The following FUCA1 variants were observed in gnomAD, a reference collection of about 807,000 sequenced individuals.
FUCA1 encodes the protein tissue alpha-L-fucosidase.
A neutral mutation model predicts 56.8 loss-of-function variants in FUCA1; 52 were observed. The observed-to-expected ratio is 0.92, with a 90% CI of 0.73 to 1.15. FUCA1 has a LOEUF of 1.15. FUCA1 is among the 50% of genes most tolerant of loss of function. The pLI is 0.00. For synonymous variants in FUCA1, 230 were observed against 226.6 expected (o/e 1.02, Z -0.14); for missense variants, 568 against 592.6 (o/e 0.96, Z 0.43).
intron 1 of FUCA1, 69 bp from the exon 2 acceptor site, chr1:23,865,694 C>T (rs1200482308): frequency 1.8e-5 from 29 of 1,573,780 alleles, no homozygotes. Context: ...CCCAGCATGC[C>T]TGAGGCTTTT....
chr1:23,859,729 C>T (rs1639467572), intron 4 of FUCA1, 69 bp downstream of exon 4: 3 of 936,290 alleles, frequency 3.2e-6, no homozygotes, highest in Admixed American at 1.8e-5. Context: ...TGGTTGTCTA[C>T]TCCAGAGTTT....
chr1:23,853,477 C>T lies in FUCA1; in HGVS notation c.969+883G>A, dbSNP rs1361517323. Among the ~76,000 whole-genome samples, 901 of 146,910 alleles carry T rather than the reference C, an allele frequency of 6.1e-3. 7 individuals carry two copies. Among genetic ancestry groups the T allele is most frequent in the African/African-American group, 0.015 (612 of 39,506 alleles). On this transcript the variant is annotated intron_variant, in intron 5 of 7. Transcript: ENST00000374479. ...CCCCCGCCCAGCCAGCCGCCCGGTC[C>T]GGGAGGTGAGGGGCGCCTCTGCCCG...
intron 5 of FUCA1, among the ~76,000 whole-genome samples, chr1:23,852,709 T>A (rs373947099): frequency 1.9e-4 from 29 of 151,828 alleles, no homozygotes; most frequent in Non-Finnish European, 4.0e-4. Flanking sequence ...AGCTCCTAAC[T>A]GCGAGTGATC....
chr1:23,857,237 TG>T, intron 4 of FUCA1, among the ~76,000 whole-genome samples: 1 of 152,192 alleles, frequency 6.6e-6, no homozygotes, highest in South Asian at 2.1e-4. Flanking sequence ...CAGAGACAAA[TG>T]GGGTATTAAC....
chr1:23,864,076 C>A (rs1639568149), intron 2 of FUCA1, among the ~76,000 whole-genome samples: 1 of 148,846 alleles, frequency 6.7e-6, no homozygotes, highest in African/African-American at 2.5e-5. Flanking sequence ...ATAGTTCTTT[C>A]TCTTTTTTTC....
chr1:23,851,633 G>A (rs1050049507), intron 5 of FUCA1, among the ~76,000 whole-genome samples: 6 of 152,142 alleles, frequency 3.9e-5, no homozygotes, highest in Non-Finnish European at 7.3e-5. Context: ...GGACATGGAT[G>A]AAGCTGGACA....
At position 23,867,636 on chromosome 1, in the gene FUCA1, C is replaced by A. The variant is rs1160846694; in HGVS notation, c.389+262G>T. ...GGACATCAGGTATGGCCTAACTCAG[C>A]CCTCTCGGTGCACAGGTGCAGATAC... On this transcript the variant is annotated intron_variant, in intron 1 of 7. Transcript: ENST00000374479. This position sits in a 1 kb window ranked among gnomAD's most constrained non-coding sequence, Gnocchi z 4.9. 14 of 806,394 alleles carry A rather than the reference C, an allele frequency of 1.7e-5. No individual in the cohort carries two copies. The highest frequency in any genetic ancestry group is 2.0e-5 in the Non-Finnish European group (13 of 666,582). 50.0% of individuals were successfully genotyped at this position (806,394 alleles called of 1,614,324 possible).
intron 5 of FUCA1, among the ~76,000 whole-genome samples, chr1:23,849,755 G>A (rs1639219412): frequency 6.6e-6 from 1 of 151,172 alleles, no homozygotes; most frequent in African/African-American, 2.4e-5. Context: ...GTTAATTTTT[G>A]TATTTTTAGT....
chr1:23,848,955 T>G, intron 5 of FUCA1, 116 bp from the exon 6 acceptor site: 1 of 882,560 alleles, frequency 1.1e-6, no homozygotes, highest in Non-Finnish European at 1.8e-6. Context: ...AAATATCCTC[T>G]GCTGTTTTAA....
At chr1:23,858,870 C>A (rs775244586) in intron 4 of FUCA1, among the ~76,000 whole-genome samples, 2 of 152,100 alleles carry the variant, frequency 1.3e-5, no homozygotes, top group African/African-American at 4.8e-5. Flanking sequence ...ACGTCAGCCT[C>A]CCCCCACATC....
At chr1:23,866,879 C>T (rs901987016) in intron 1 of FUCA1, among the ~76,000 whole-genome samples, 1 of 152,162 alleles carries the variant, frequency 6.6e-6, no homozygotes, top group African/African-American at 2.4e-5. Context: ...CCCTAAGGCC[C>T]CTAGGAGACA....
In FUCA1 at chr1:23,863,768, C is replaced by T. The variant is rs1407513936; in HGVS notation, c.525-497G>A. The stretch of plus-strand genomic sequence containing the variant: ...TTGGGAGGCTAAAGTGGGAGGATGG[C>T]TTGAGCCCAGGAGGTAGAGATTGCA... On this transcript the variant is annotated intron_variant, in intron 2 of 7. Coordinates refer to ENST00000374479, the MANE Select transcript of FUCA1 (RefSeq NM_000147.5). Among the ~76,000 whole-genome samples, 4 of 152,138 alleles carry T rather than the reference C, an allele frequency of 2.6e-5. No individual in the cohort carries two copies. The East Asian group carries it at 7.7e-4, about 29-fold the overall frequency.
At chr1:23,849,506 T>C (rs949537525) in intron 5 of FUCA1, among the ~76,000 whole-genome samples, 1 of 151,316 alleles carries the variant, frequency 6.6e-6, no homozygotes, top group Non-Finnish European at 1.5e-5. Flanking sequence ...TTCAGGACAT[T>C]CCTTACGCAT....
chr1:23,858,516 A>C (rs1639441257), intron 4 of FUCA1, among the ~76,000 whole-genome samples: 1 of 152,250 alleles, frequency 6.6e-6, no homozygotes, highest in Non-Finnish European at 1.5e-5. Context: ...CTACTTTGCA[A>C]GTACGCTAAA....
At chr1:23,865,449 A>C (rs1464901581) in intron 2 of FUCA1, 42 bp downstream of exon 2, 2 of 1,613,772 alleles carry the variant, frequency 1.2e-6, no homozygotes, top group South Asian at 2.2e-5. Context: ...CTTGACAGCC[A>C]GATCCAAAGA....
intron 6 of FUCA1, among the ~76,000 whole-genome samples, chr1:23,847,876 G>A (rs1228020548): frequency 6.6e-6 from 1 of 152,118 alleles, no homozygotes; most frequent in Non-Finnish European, 1.5e-5. Flanking sequence ...GCAAAAATTA[G>A]CTGGGCGTGG....
chr1:23,856,954 T>G (rs1639403512), intron 4 of FUCA1, among the ~76,000 whole-genome samples: 1 of 151,268 alleles, frequency 6.6e-6, no homozygotes. Flanking sequence ...ATCGTGCCAT[T>G]GTACTCCAGC....
chr1:23,852,574 T>C (rs1639285638), intron 5 of FUCA1, among the ~76,000 whole-genome samples: 1 of 152,034 alleles, frequency 6.6e-6, no homozygotes, highest in Admixed American at 6.6e-5. Context: ...GCAGCCTCCC[T>C]GCCTGATTCT....
chr1:23,862,716 G>A, intron 3 of FUCA1, among the ~76,000 whole-genome samples: 1 of 152,144 alleles, frequency 6.6e-6, no homozygotes, highest in Non-Finnish European at 1.5e-5. Flanking sequence ...TACAAAGAAG[G>A]CATTATTATC....
Sources: gnomAD v4.1 joint callset for allele counts (sites outside exome capture counted in the v4.1 genomes callset) on GRCh38, gnomAD v4.1.1 for gene constraint, Gnocchi (gnomAD v3.1) non-coding constraint, MANE v1.5 for transcripts, NCBI Gene and HGNC (gene_info 2026-07-23, HGNC 2026-07-21) for gene names.